The following MROH2A variants were observed in gnomAD, a reference collection of about 807,000 sequenced individuals.
MROH2A encodes the protein maestro heat like repeat family member 2A.
Under a neutral mutation model 200.4 loss-of-function variants are expected in MROH2A, and 174 were observed. The observed-to-expected ratio is 0.87, with a 90% CI of 0.77 to 0.98. MROH2A has a LOEUF of 0.98. Among genes scored for constraint, MROH2A ranks in the 50% least tolerant of loss-of-function variants. The pLI, the probability that MROH2A is intolerant of heterozygous loss-of-function variation, is 0.00. For missense variants in MROH2A, 2,045 were observed against 2,139.6 expected, an observed-to-expected ratio of 0.96 and a Z score of 0.87; for synonymous variants, 829 against 840.4, an observed-to-expected ratio of 0.99 and a Z score of 0.23.
At chr2:233,796,163 C>T (rs534625249) in intron 10 of MROH2A, 37 bp from the exon 11 acceptor site, 34 of 1,526,152 alleles carry the variant, frequency 2.2e-5, no homozygotes, top group Middle Eastern at 1.7e-4. Context: ...GCTCTGGACC[C>T]GGTGAGCATG....
At chr2:233,789,364 G>C (rs1176427618) in intron 3 of MROH2A, 133 bp from the exon 4 acceptor site, 1 of 928,056 alleles carries the variant, frequency 1.1e-6, no homozygotes, top group Non-Finnish European at 1.4e-6. Flanking sequence ...AGAAATGGAG[G>C]AATGGGGATC....
At chr2:233,797,528 T>C (rs1271532897) in intron 11 of MROH2A, among the ~76,000 whole-genome samples, 2 of 152,220 alleles carry the variant, frequency 1.3e-5, no homozygotes, top group Non-Finnish European at 2.9e-5. Context: ...TTGAGTGTAT[T>C]AAGTGTAGCA....
Position 233,789,556 on chromosome 2 carries a change from G to T in MROH2A, c.336G>T (p.Glu112Asp). ...YNILQDIIQQ[E>D]GELEEQCVQR... The stretch of plus-strand genomic sequence containing the variant: ...TCCTCCAGGACATCATCCAGCAGGA[G>T]GGGGAGCTGGAGGAGCAGTGCGTGC... Residue 112 changes from glutamate to aspartate, a missense_variant, in exon 4 of 42, where the codon GAG becomes GAT. This residue lies in a region of MROH2A where 831 missense variants were observed against 800.0 expected (regional missense o/e 1.04). Coordinates refer to ENST00000389758, the MANE Select transcript of MROH2A (RefSeq NM_001394639.1). 1.3e-6 allele frequency: 2 copies of T among 1,491,866 alleles called. No individual in the cohort carries two copies. The highest frequency in any genetic ancestry group is 1.8e-6 in the Non-Finnish European group (2 of 1,120,042). 92.4% of individuals were successfully genotyped at this position (1,491,866 alleles called of 1,614,324 possible).
At chr2:233,819,295 G>T in intron 29 of MROH2A, 22 bp from the exon 30 acceptor site, 1 of 1,544,580 alleles carries the variant, frequency 6.5e-7, no homozygotes, top group South Asian at 1.2e-5. Flanking sequence ...GAGGGCAGGG[G>T]AGTCACCCGC....
At chr2:233,789,727 T>A in intron 4 of MROH2A, 99 bp downstream of exon 4, 1 of 1,448,230 alleles carries the variant, frequency 6.9e-7, no homozygotes, top group Non-Finnish European at 9.2e-7. Context: ...TGCAGTTACC[T>A]CTCAGAGCAG....
intron 3 of MROH2A, 95 bp downstream of exon 3, chr2:233,779,947 T>G (rs1700867038): frequency 9.5e-7 from 1 of 1,057,164 alleles, no homozygotes; most frequent in Non-Finnish European, 1.4e-6. Flanking sequence ...AGAGATGTGA[T>G]GTGTGGTACT....
At position 233,778,394 on chromosome 2, in the gene MROH2A, G is replaced by T. The variant is rs1228216568; in HGVS notation, c.-102G>T. 1 of 169,216 alleles carries T rather than the reference G, an allele frequency of 5.9e-6. No homozygotes were observed. Among genetic ancestry groups the T allele is most frequent in the Non-Finnish European group, 1.5e-5 (1 of 68,308 alleles). 10.5% of individuals were successfully genotyped at this position (169,216 alleles called of 1,614,324 possible). A position where few individuals can be genotyped will look rare whatever the true frequency, so the allele number is the denominator to read the frequency against. On this transcript the variant is annotated 5_prime_UTR_variant, in exon 1 of 42. Transcript: ENST00000389758. ...ACTTTGATAACCAATTCTTCCATTT[G>T]CATTTCCATTGATGTGTATTGGGCC...
Position 233,818,574 on chromosome 2 carries a change from G to C in MROH2A, c.3086-78G>C, listed in dbSNP as rs940479709. 4 of 891,582 alleles carry C rather than the reference G, an allele frequency of 4.5e-6. No individual in the cohort carries two copies. The African/African-American group carries it at 6.7e-5, about 15-fold the overall frequency. The allele number at this position is 891,582 out of a possible 1,614,324, so 55.2% of individuals were successfully genotyped here. On this transcript the variant is annotated intron_variant, in intron 28 of 41. Coordinates refer to ENST00000389758, the MANE Select transcript of MROH2A (RefSeq NM_001394639.1). ...GGGTGGCTCAGGCCTGCAAAGCCAG[G>C]GCAGGAGGTAGCCACGAAGGGGGGG...
rs1022247090 is a variant in MROH2A at position 233,828,754 on chromosome 2, A to T, written c.4238A>T (p.Asn1413Ile). The T allele has an allele frequency of 6.4e-7, 1 of 1,550,428 alleles. No individual in the cohort carries two copies. Among genetic ancestry groups the T allele is most frequent in the African/African-American group, 1.4e-5 (1 of 73,174 alleles). The change falls in exon 36 of 42, where the codon AAC becomes ATC. Residue 1413 changes from asparagine (N) to isoleucine (I), a missense_variant. Physicochemically the swap from Asn to Ile is moderately radical, Grantham distance 149 (BLOSUM62 -3). Coordinates refer to ENST00000389758, the MANE Select transcript of MROH2A (RefSeq NM_001394639.1). The surrounding 1 kb of genome is among the most constrained non-coding windows in gnomAD (Gnocchi z 4.6). Reference sequence around the variant, plus strand: ...GTGCTGTCCCTGCGCGCCCTCGGCAACATGGCCCTGGGCGCCCCCAAGAAG... The same window carrying T: ...GTGCTGTCCCTGCGCGCCCTCGGCATCATGGCCCTGGGCGCCCCCAAGAAG... ...LRVLSLRALG[N>I]MALGAPKKVK...
chr2:233,819,686 G>A (rs1703801446), intron 30 of MROH2A, among the ~76,000 whole-genome samples: 1 of 152,220 alleles, frequency 6.6e-6, no homozygotes, highest in Admixed American at 6.5e-5. Context: ...GGAGATCAAG[G>A]TTCTCCTCCC....
rs1275058572 is a variant in MROH2A, at chr2:233,793,751, A to C, written c.749A>C (p.Glu250Ala). Residue 250 changes from glutamate to alanine, a missense_variant, in exon 7 of 42, where the codon GAG (glutamate) becomes GCG (alanine). By Grantham distance (107) the Glu-to-Ala change is moderately radical (BLOSUM62 -1). Transcript: ENST00000389758. ...EESVYPVMTE[E>A]EFALKVFPMY... ...AGCGTGTACCCCGTGATGACTGAGGAGGAGTTTGCCCTGAAGGTGTTCCCC... is the reference window on the plus strand; with the variant it reads ...AGCGTGTACCCCGTGATGACTGAGGCGGAGTTTGCCCTGAAGGTGTTCCCC... 2.4e-5 allele frequency: 36 copies of C among 1,498,904 alleles called. No individual in the cohort carries two copies. The highest frequency in any genetic ancestry group is 2.9e-5 in the Non-Finnish European group (32 of 1,121,550). 92.9% of individuals were successfully genotyped at this position (1,498,904 alleles called of 1,614,324 possible).
chr2:233,782,355 T>A (rs1700990943), intron 3 of MROH2A, among the ~76,000 whole-genome samples: 3 of 152,232 alleles, frequency 2.0e-5, no homozygotes. Context: ...CATTTTTTGG[T>A]GTCTTCTTCA....
chr2:233,797,445 T>C (rs1163763629), intron 11 of MROH2A, among the ~76,000 whole-genome samples: 1 of 152,210 alleles, frequency 6.6e-6, no homozygotes, highest in East Asian at 1.9e-4. Context: ...TATATCTGCA[T>C]AATGGAATAT....
At chr2:233,802,046 G>A (rs1702506782) in intron 14 of MROH2A, 122 bp from the exon 15 acceptor site, 1 of 1,139,648 alleles carries the variant, frequency 8.8e-7, no homozygotes, top group Non-Finnish European at 1.2e-6. Context: ...GGCTGAGACT[G>A]TCAGGGGACA....
chr2:233,807,957 C>T lies in MROH2A; in HGVS notation c.2295+102C>T. ...CTAGATCTCAGTAGGAAACTTGCCT[C>T]ACACGGAGTCTCCTGTCATCAAAAT... On this transcript the variant is annotated intron_variant, in intron 21 of 41. Transcript: ENST00000389758. This position sits in a 1 kb window ranked among gnomAD's most constrained non-coding sequence, Gnocchi z 4.3. 7.1e-7 allele frequency: 1 copy of T among 1,409,208 alleles called. No individual in the cohort carries two copies. Among genetic ancestry groups the T allele is most frequent in the Non-Finnish European group, 9.7e-7 (1 of 1,028,126 alleles). 87.3% of individuals were successfully genotyped at this position (1,409,208 alleles called of 1,614,324 possible). A position where few individuals can be genotyped will look rare whatever the true frequency, so the allele number is the denominator to read the frequency against.
intron 40 of MROH2A, 35 bp downstream of exon 40, chr2:233,832,314 C>A: frequency 2.0e-6 from 3 of 1,527,556 alleles, no homozygotes; most frequent in Non-Finnish European, 1.8e-6. Flanking sequence ...TCAAGATAGA[C>A]TTTGAAGGCC....
upstream of MROH2A, among the ~76,000 whole-genome samples, chr2:233,777,677 A>T (rs1282875121): frequency 6.6e-6 from 1 of 152,192 alleles, no homozygotes; most frequent in Non-Finnish European, 1.5e-5. Context: ...TGGATGGGCA[A>T]ACTTGGAGTG....
rs1025340818 is a variant in MROH2A, at chr2:233,820,152, C to T, written c.3512+96C>T. 3.4e-6 allele frequency: 4 copies of T among 1,172,948 alleles called. No individual in the cohort carries two copies. The highest frequency in any genetic ancestry group is 1.8e-5 in the South Asian group (1 of 54,282). 72.7% of individuals were successfully genotyped at this position (1,172,948 alleles called of 1,614,324 possible). A position where few individuals can be genotyped will look rare whatever the true frequency, so the allele number is the denominator to read the frequency against. On this transcript the variant is annotated intron_variant, in intron 31 of 41. Coordinates refer to ENST00000389758, the MANE Select transcript of MROH2A (RefSeq NM_001394639.1). This position sits in a 1 kb window ranked among gnomAD's most constrained non-coding sequence, Gnocchi z 4.1. ...TGTCCCAGAAGCCTGGAGCCTTGGG[C>T]AGTACCCTGCCCCACCCTGAAGGAG...
chr2:233,796,561 CAA>C (rs1702125653), intron 11 of MROH2A, among the ~76,000 whole-genome samples: 1 of 152,118 alleles, frequency 6.6e-6, no homozygotes, highest in Admixed American at 6.5e-5. Context: ...TGCTAACCTC[CAA>C]AGCTCAATCA....
Sources: allele counts gnomAD v4.1 joint callset (sites outside exome capture counted in the v4.1 genomes callset), GRCh38; gene constraint gnomAD v4.1.1; regional missense constraint gnomAD v4.1.1; non-coding constraint Gnocchi (gnomAD v3.1); transcripts MANE v1.5; gene names NCBI Gene and HGNC (gene_info 2026-07-23, HGNC 2026-07-21).